The following ZNF669 variants were observed in gnomAD, a reference collection of about 807,000 sequenced individuals.
ZNF669 encodes the protein zinc finger protein 669.
ZNF669 carries 7 observed loss-of-function variants against 11.4 expected under a neutral mutation model. The ratio of observed to expected loss-of-function variants is 0.62; its 90% confidence interval spans 0.35 to 1.16. The LOEUF (loss-of-function observed/expected upper bound fraction) is 1.16, where lower values mean the gene tolerates loss of function less well. Ranked by LOEUF, ZNF669 falls within the 50% of genes most tolerant of loss-of-function variation. The pLI, the probability that ZNF669 is intolerant of heterozygous loss-of-function variation, is 0.02. For missense variants in ZNF669, 492 were observed against 463.6 expected, an observed-to-expected ratio of 1.06 and a Z score of -0.56; for synonymous variants, 153 against 155.8, an observed-to-expected ratio of 0.98 and a Z score of 0.13.
At chr1:247,102,596 G>A (rs374907587) in intron 1 of ZNF669, among the ~76,000 whole-genome samples, 145 of 152,304 alleles carry the variant, frequency 9.5e-4, no homozygotes, top group Middle Eastern at 3.4e-3. Flanking sequence ...AATGGTTTAT[G>A]CAATATAGTT....
rs1243830505 is a variant in ZNF669 at position 247,100,616 on chromosome 1, T to C, written c.895A>G (p.Thr299Ala). ...TTACATTCATAGGGTTTCTCTCCGGTATGAGTACTTCTATGGTTACAAAGG... is the reference window on the plus strand; with the variant it reads ...TTACATTCATAGGGTTTCTCTCCGGCATGAGTACTTCTATGGTTACAAAGG... ...SSLCNHRSTH[T>A]GEKPYECKQC... Residue 299 changes from threonine (T) to alanine (A), a missense_variant, in exon 4 of 4, where the codon ACC becomes GCC. Thr to Ala is a moderately conservative substitution (Grantham distance 58). Transcript: ENST00000448299. 1 of 1,614,226 alleles carries C rather than the reference T, an allele frequency of 6.2e-7. No individual in the cohort carries two copies. Among genetic ancestry groups the C allele is most frequent in the Non-Finnish European group, 8.5e-7 (1 of 1,180,030 alleles).
chr1:247,102,510 CTTTG>C (rs1309293022), intron 1 of ZNF669, among the ~76,000 whole-genome samples: 1 of 152,224 alleles, frequency 6.6e-6, no homozygotes, highest in African/African-American at 2.4e-5. Context: ...AAAGTTCAAT[CTTTG>C]TTTGTATTAG....
chr1:247,101,756 A>G lies in ZNF669; in HGVS notation c.166T>C (p.Phe56Leu). The G allele has an allele frequency of 6.2e-7, 1 of 1,613,920 alleles. No individual in the cohort carries two copies. Among genetic ancestry groups the G allele is most frequent in the Non-Finnish European group, 8.5e-7 (1 of 1,179,960 alleles). The change falls in exon 3 of 4, where the codon TTC becomes CTC. Residue 56 changes from phenylalanine (F) to leucine (L), a missense_variant. Physicochemically the swap from Phe to Leu is conservative, Grantham distance 22. Transcript: ENST00000448299. ...QWKDQNIEDHFEKPGKDIRNH... is the reference protein window; with the variant it reads ...QWKDQNIEDHLEKPGKDIRNH... ...CTTATATCTTTCCCAGGTTTTTCGA[A>G]GTGATCTTCAATATTCTGGTCTTTC...
Position 247,104,235 on chromosome 1 carries a change from G to T in ZNF669, c.-36C>A. On this transcript the variant is annotated 5_prime_UTR_variant, in exon 1 of 4. Transcript: ENST00000448299. ...CCCGGGTGTCCTGGCGTCAGCTAGG[G>T]ATGTCCCAATACTCGCAGGTCACAG... 6.6e-7 allele frequency: 1 copy of T among 1,504,490 alleles called. No individual in the cohort carries two copies. The highest frequency in any genetic ancestry group is 2.4e-5 in the East Asian group (1 of 41,680). 93.2% of individuals were successfully genotyped at this position (1,504,490 alleles called of 1,614,324 possible). A position where few individuals can be genotyped will look rare whatever the true frequency, so the allele number is the denominator to read the frequency against.
chr1:247,100,044 G>A lies in ZNF669; in HGVS notation c.*330C>T. ...CTGTCACCCAGGCTGAAGTGCAGTG[G>A]TGCGATCTCGGCTCACTGCAAGTTC... On this transcript the variant is annotated 3_prime_UTR_variant, in exon 4 of 4. Transcript: ENST00000448299. The A allele has an allele frequency of 4.6e-6, 1 of 219,496 alleles. No homozygotes were observed. 13.6% of individuals were successfully genotyped at this position (219,496 alleles called of 1,614,324 possible). A position where few individuals can be genotyped will look rare whatever the true frequency, so the allele number is the denominator to read the frequency against.
intron 3 of ZNF669, 60 bp downstream of exon 3, chr1:247,101,671 G>T: frequency 1.4e-6 from 2 of 1,465,304 alleles, no homozygotes; most frequent in South Asian, 1.2e-5. Flanking sequence ...TTGTTTTTAA[G>T]TTCATGACAT....
At position 247,103,886 on chromosome 1, in the gene ZNF669, G is replaced by A. The variant is rs545940072; in HGVS notation, c.3+311C>T. ...CTCCCATGCTGGAACCCCGCACACCGAGACACCGAGTCGGGGCTCTCCCGC... is the reference window on the plus strand; with the variant it reads ...CTCCCATGCTGGAACCCCGCACACCAAGACACCGAGTCGGGGCTCTCCCGC... On this transcript the variant is annotated intron_variant, in intron 1 of 3. Coordinates refer to ENST00000448299, the MANE Select transcript of ZNF669 (RefSeq NM_001142572.2). 7.9e-6 allele frequency: 12 copies of A among 1,522,692 alleles called. No individual in the cohort carries two copies. The East Asian group carries it at 1.7e-4, about 21-fold the overall frequency. The allele number at this position is 1,522,692 out of a possible 1,614,324, so 94.3% of individuals were successfully genotyped here. A position where few individuals can be genotyped will look rare whatever the true frequency, so the allele number is the denominator to read the frequency against.
chr1:247,101,256 G>A lies in ZNF669; in HGVS notation c.255C>T (p.Ser85=). 6.2e-7 allele frequency: 1 copy of A among 1,612,866 alleles called. No homozygotes were observed. The highest frequency in any genetic ancestry group is 8.5e-7 in the Non-Finnish European group (1 of 1,179,514). Residue 85 remains serine (S), a synonymous_variant, in exon 4 of 4, where the codon AGC becomes AGT. Coordinates refer to ENST00000448299, the MANE Select transcript of ZNF669 (RefSeq NM_001142572.2). ...CGTTCAGATCAAGATTTGGAATTTG[G>A]CTGACAACTTCTCCATACTGACCAT... ...KEDGQYGEVV[S]QIPNLDLNEN... is the part of the protein sequence containing the mutation.
In ZNF669 at chr1:247,101,715, G is replaced by A. The variant is rs767605882; in HGVS notation, c.191+16C>T. 1.2e-6 allele frequency: 2 copies of A among 1,611,502 alleles called. No homozygotes were observed. The highest frequency in any genetic ancestry group is 1.1e-5 in the South Asian group (1 of 90,758). ...TCCTTCAGAGGACTTTATTTCCTCTGCTCAGTGCAAATTACCTTATATCTT... is the reference window on the plus strand; with the variant it reads ...TCCTTCAGAGGACTTTATTTCCTCTACTCAGTGCAAATTACCTTATATCTT... On this transcript the variant is annotated intron_variant, in intron 3 of 3. Coordinates refer to ENST00000448299, the MANE Select transcript of ZNF669 (RefSeq NM_001142572.2).
At position 247,100,510 on chromosome 1, in the gene ZNF669, C is replaced by T; in HGVS notation, c.1001G>A (p.Cys334Tyr). ...AGTGTAGGCTTTACCGCATTTCTTA[C>T]ATTCATAGGGTTTTTCTCCAGTATG... Reference protein sequence around the residue: ...RIHTGEKPYECKKCGKAYTRS... With the variant: ...RIHTGEKPYEYKKCGKAYTRS... The change falls in exon 4 of 4, where the codon TGT (cysteine) becomes TAT (tyrosine). Residue 334 changes from cysteine (C) to tyrosine (Y), a missense_variant. Coordinates refer to ENST00000448299, the MANE Select transcript of ZNF669 (RefSeq NM_001142572.2). 6.2e-7 allele frequency: 1 copy of T among 1,613,428 alleles called. No homozygotes were observed. Among genetic ancestry groups the T allele is most frequent in the Non-Finnish European group, 8.5e-7 (1 of 1,179,298 alleles).
At position 247,100,705 on chromosome 1, in the gene ZNF669, A is replaced by C. The variant is rs766792729; in HGVS notation, c.806T>G (p.Ile269Ser). 30 of 1,614,070 alleles carry C rather than the reference A, an allele frequency of 1.9e-5. No individual in the cohort carries two copies. Among genetic ancestry groups the C allele is most frequent in the African/African-American group, 2.7e-5 (2 of 74,934 alleles). Residue 269 changes from isoleucine to serine, a missense_variant, in exon 4 of 4, where the codon ATT (isoleucine) becomes AGT (serine). Coordinates refer to ENST00000448299, the MANE Select transcript of ZNF669 (RefSeq NM_001142572.2). Reference sequence around the variant, plus strand: ...CTCATAGGGTCTCTCTCCAGTATGAATGCTTCCATGGTAACGAAGGGAAGT... The same window carrying C: ...CTCATAGGGTCTCTCTCCAGTATGACTGCTTCCATGGTAACGAAGGGAAGT... ...CSTSLRYHGS[I>S]HTGERPYECK...
rs770252713 is a variant in ZNF669, at chr1:247,101,281, T to C, written c.230A>G (p.Asp77Gly). The C allele has an allele frequency of 1.2e-6, 2 of 1,605,818 alleles. 1 individual carries two copies. The highest frequency in any genetic ancestry group is 2.2e-5 in the South Asian group (2 of 90,090). ...GCTGACAACTTCTCCATACTGACCA[T>C]CTTCTTTACTTTCACACAGTCTCTG... Reference protein sequence around the residue: ...IVQRLCESKEDGQYGEVVSQI... With the variant: ...IVQRLCESKEGGQYGEVVSQI... The change falls in exon 4 of 4, where the codon GAT (aspartate) becomes GGT (glycine). Residue 77 changes from aspartate (D) to glycine (G), a missense_variant. Coordinates refer to ENST00000448299, the MANE Select transcript of ZNF669 (RefSeq NM_001142572.2).
chr1:247,100,829 T>C lies in ZNF669; in HGVS notation c.682A>G (p.Thr228Ala), dbSNP rs1379609920. 1 of 1,613,922 alleles carries C rather than the reference T, an allele frequency of 6.2e-7. No individual in the cohort carries two copies. The highest frequency in any genetic ancestry group is 8.5e-7 in the Non-Finnish European group (1 of 1,179,924). The change falls in exon 4 of 4, where the codon ACA becomes GCA. Residue 228 changes from threonine (T) to alanine (A), a missense_variant. Transcript: ENST00000448299. The stretch of plus-strand genomic sequence containing the variant: ...TTAAAAGAACAAGAAAATCTGAATG[T>C]TTTCCCACATTCCTTACATTCGTAG... ...KPYECKECGKTFRFSCSFKTH... is the reference protein window; with the variant it reads ...KPYECKECGKAFRFSCSFKTH...
In ZNF669 at chr1:247,103,991, C is replaced by A. The variant is rs372593955; in HGVS notation, c.3+206G>T. 1.4e-5 allele frequency: 23 copies of A among 1,602,584 alleles called. No homozygotes were observed. The highest frequency in any genetic ancestry group is 1.8e-5 in the Non-Finnish European group (21 of 1,176,560). ...ACAGGGCTCCGGCCGGCGGAAGTGG[C>A]GCCCGCAGGTACAGACAGGATGCAG... On this transcript the variant is annotated intron_variant, in intron 1 of 3. Transcript: ENST00000448299.
intron 1 of ZNF669, among the ~76,000 whole-genome samples, chr1:247,102,763 A>G (rs559982132): frequency 6.6e-6 from 1 of 152,354 alleles, no homozygotes; most frequent in East Asian, 1.9e-4. Context: ...TGGGGAGTTG[A>G]GCCCATTCCA....
intron 3 of ZNF669, 105 bp from the exon 4 acceptor site, chr1:247,101,424 A>AT (rs138228553): frequency 0.015 from 16,242 of 1,083,852 alleles, no homozygotes; most frequent in South Asian, 0.017. Flanking sequence ...GGGAAAATGC[A>AT]TTTTTTTTTT....
Position 247,100,260 on chromosome 1 carries a change from A to T in ZNF669, c.*114T>A. On this transcript the variant is annotated 3_prime_UTR_variant, in exon 4 of 4. Coordinates refer to ENST00000448299, the MANE Select transcript of ZNF669 (RefSeq NM_001142572.2). The stretch of plus-strand genomic sequence containing the variant: ...CGGCCTCCCAAAGTGCTGGGATTAC[A>T]GGCGTAAGCCACCGTGCCCGGCATT... 1.4e-6 allele frequency: 1 copy of T among 695,658 alleles called. No individual in the cohort carries two copies. Among genetic ancestry groups the T allele is most frequent in the Non-Finnish European group, 2.3e-6 (1 of 425,590 alleles). 43.1% of individuals were successfully genotyped at this position (695,658 alleles called of 1,614,324 possible). A position where few individuals can be genotyped will look rare whatever the true frequency, so the allele number is the denominator to read the frequency against.
At chr1:247,101,366 A>G in intron 3 of ZNF669, 47 bp from the exon 4 acceptor site, 1 of 1,507,072 alleles carries the variant, frequency 6.6e-7, no homozygotes, top group Non-Finnish European at 8.8e-7. Context: ...TTTATTAATA[A>G]CTTTCTACTT....
In ZNF669 at chr1:247,100,105, C is replaced by T. The variant is rs1435414943; in HGVS notation, c.*269G>A. ...GTTCATGCCATTCTCCTGCCTCAGC[C>T]TCCCGAGTAACTGGGACCACAGGCG... On this transcript the variant is annotated 3_prime_UTR_variant, in exon 4 of 4. Transcript: ENST00000448299. The T allele has an allele frequency of 6.2e-6, 2 of 322,240 alleles. No homozygotes were observed. The highest frequency in any genetic ancestry group is 1.1e-5 in the Non-Finnish European group (2 of 175,206). The allele number at this position is 322,240 out of a possible 1,614,324, so 20.0% of individuals were successfully genotyped here. A position where few individuals can be genotyped will look rare whatever the true frequency, so the allele number is the denominator to read the frequency against.
Sources: gnomAD v4.1 joint callset for allele counts (sites outside exome capture counted in the v4.1 genomes callset) on GRCh38, gnomAD v4.1.1 for gene constraint, MANE v1.5 for transcripts, NCBI Gene and HGNC (gene_info 2026-07-23, HGNC 2026-07-21) for gene names.